ADGRE3: variants seen among roughly 807,000 people sequenced by gnomAD.
ADGRE3 encodes adhesion G protein-coupled receptor E3, also known as EGF-like module receptor 3.
A neutral mutation model predicts 80.1 loss-of-function variants in ADGRE3; 88 were observed. The observed-to-expected ratio is 1.10, with a 90% CI of 0.93 to 1.31. The LOEUF (loss-of-function observed/expected upper bound fraction) is 1.31, where lower values mean the gene tolerates loss of function less well. Among genes scored for constraint, ADGRE3 ranks in the 40% most tolerant of loss-of-function variants. The pLI is 0.00. For missense variants in ADGRE3, 715 were observed against 776.5 expected (o/e 0.92, Z 0.94); for synonymous variants, 281 against 294.8 (o/e 0.95, Z 0.48).
intron 2 of ADGRE3, among the ~76,000 whole-genome samples, chr19:14,666,177 C>T (rs1384285037): frequency 1.3e-5 from 2 of 151,324 alleles, no homozygotes; most frequent in Non-Finnish European, 1.5e-5. Context: ...GGAATTTCCA[C>T]AATGTTTTCC....
chr19:14,607,456 G>A, the ADGRE3 span, among the ~76,000 whole-genome samples: 7 of 151,980 alleles, frequency 4.6e-5, no homozygotes, highest in Middle Eastern at 3.4e-3. Context: ...GCCCGCCTTG[G>A]CCTCCCAAAG....
At chr19:14,674,597 G>A in intron 1 of ADGRE3, 149 bp downstream of exon 1, 2 of 670,550 alleles carry the variant, frequency 3.0e-6, no homozygotes, top group Non-Finnish European at 5.0e-6. Context: ...TTTGAATAGG[G>A]TAGTCAGGAA....
the ADGRE3 span, chr19:14,600,149 T>G: frequency 1.2e-6 from 2 of 1,613,946 alleles, no homozygotes; most frequent in African/African-American, 1.3e-5. Flanking sequence ...AGAATTACTC[T>G]CACTTGGTCA....
rs1971436562 is a variant in ADGRE3 at position 14,647,293 on chromosome 19, A to C, written c.770T>G (p.Met257Arg). 6.2e-7 allele frequency: 1 copy of C among 1,613,176 alleles called. No homozygotes were observed. Among genetic ancestry groups the C allele is most frequent in the Non-Finnish European group, 8.5e-7 (1 of 1,179,284 alleles). Residue 257 changes from methionine (M) to arginine (R), a missense_variant, in exon 8 of 16, where the codon ATG (methionine) becomes AGG (arginine). Coordinates refer to ENST00000253673, the MANE Select transcript of ADGRE3 (RefSeq NM_032571.5). ...CAGATACACTTGATCTTTCTTATCC[A>C]TCTCTTCAAAAAAAGTTGCATTTAT... The part of the protein sequence containing the change: ...NIINATFFEE[M>R]DKKDQVYLNS...
chr19:14,613,412 T>TA, the ADGRE3 span, among the ~76,000 whole-genome samples: 13 of 144,112 alleles, frequency 9.0e-5, no homozygotes, highest in Non-Finnish European at 2.0e-4. Context: ...TTTTTTTTTG[T>TA]ATAGACAGGG....
At chr19:14,623,574 C>T (rs1009103957) in intron 15 of ADGRE3, among the ~76,000 whole-genome samples, 1 of 152,160 alleles carries the variant, frequency 6.6e-6, no homozygotes, top group Non-Finnish European at 1.5e-5. Flanking sequence ...TGTCCTCCCC[C>T]AGAAAGGTCC....
At chr19:14,611,799 C>T in the ADGRE3 span, among the ~76,000 whole-genome samples, 36 of 152,162 alleles carry the variant, frequency 2.4e-4, no homozygotes, top group African/African-American at 8.2e-4. Context: ...GTCAGGATTT[C>T]GAGACCAGCC....
intron 15 of ADGRE3, 122 bp from the exon 16 acceptor site, chr19:14,619,593 G>T: frequency 1.4e-6 from 1 of 737,792 alleles, no homozygotes; most frequent in East Asian, 2.5e-5. Context: ...AGGCAAGGAT[G>T]GCATGATCTC....
At chr19:14,610,110 G>A in the ADGRE3 span, 1 of 1,612,536 alleles carries the variant, frequency 6.2e-7, no homozygotes, top group Non-Finnish European at 8.5e-7. Flanking sequence ...TGAGGACTGT[G>A]CTACCATGAA....
At chr19:14,620,348 G>A (rs144525876) in intron 15 of ADGRE3, among the ~76,000 whole-genome samples, 27 of 59,296 alleles carry the variant, frequency 4.6e-4, no homozygotes, top group Middle Eastern at 0.016. Flanking sequence ...CACCATGCCC[G>A]GCCAAAGCTA....
intron 13 of ADGRE3, among the ~76,000 whole-genome samples, 186 bp from the exon 14 acceptor site, chr19:14,630,393 C>CTTATTTTATT (rs55760456): frequency 0.011 from 1,583 of 148,594 alleles, 19 homozygotes; most frequent in African/African-American, 0.033. Context: ...GCTCCCTCAT[C>CTTATTTTATT]TTATTTTATT....
chr19:14,632,512 A>C (rs1379354202), intron 13 of ADGRE3, among the ~76,000 whole-genome samples: 1 of 152,140 alleles, frequency 6.6e-6, no homozygotes, highest in East Asian at 1.9e-4. Context: ...GATATGAGCA[A>C]ATGTGGCAAC....
At chr19:14,633,208 T>C (rs1361601231) in intron 12 of ADGRE3, 28 bp downstream of exon 12, 2 of 1,594,698 alleles carry the variant, frequency 1.3e-6, no homozygotes, top group Non-Finnish European at 1.7e-6. Flanking sequence ...TTCTTCCTAG[T>C]TTGGGAACAT....
At chr19:14,611,557 C>G in the ADGRE3 span, among the ~76,000 whole-genome samples, 1 of 151,684 alleles carries the variant, frequency 6.6e-6, no homozygotes. Context: ...CATGGAACTT[C>G]TAGAAAGGCA....
chr19:14,605,326 C>G, the ADGRE3 span, among the ~76,000 whole-genome samples: 1 of 151,942 alleles, frequency 6.6e-6, no homozygotes, highest in Non-Finnish European at 1.5e-5. Context: ...GAACTCCTGA[C>G]CTCAGGTGAT....
chr19:14,632,763 A>G (rs930501379), intron 13 of ADGRE3, among the ~76,000 whole-genome samples, 158 bp downstream of exon 13: 11 of 148,360 alleles, frequency 7.4e-5, no homozygotes, highest in African/African-American at 2.7e-4. Flanking sequence ...CTTAGCTTGT[A>G]TTCTAGCTAA....
chr19:14,617,341 C>CCTCCCTCCCTCCCTCT, downstream of ADGRE3, among the ~76,000 whole-genome samples: 1 of 57,170 alleles, frequency 1.7e-5, no homozygotes, highest in African/African-American at 5.9e-5. Flanking sequence ...TCCCTCCCTC[C>CCTCCCTCCCTCCCTCT]CTTTCTTTCT....
chr19:14,654,757 C>T (rs1971706908), intron 6 of ADGRE3, among the ~76,000 whole-genome samples: 1 of 152,168 alleles, frequency 6.6e-6, no homozygotes, highest in Non-Finnish European at 1.5e-5. Context: ...AGATTTCCAT[C>T]ACCCCTAATA....
At chr19:14,654,936 C>A in intron 6 of ADGRE3, 46 bp downstream of exon 6, 1 of 1,509,754 alleles carries the variant, frequency 6.6e-7, no homozygotes, top group Admixed American at 1.9e-5. Context: ...CAGATCCCAG[C>A]TGCTAACCAG....
Sources: allele counts gnomAD v4.1 joint callset (sites outside exome capture counted in the v4.1 genomes callset), GRCh38; gene constraint gnomAD v4.1.1; transcripts MANE v1.5; gene names NCBI Gene and HGNC (gene_info 2026-07-23, HGNC 2026-07-21).